Variants in PCDHGA8 observed in about 807,000 individuals in gnomAD.
The protein encoded by PCDHGA8 is protocadherin gamma-A8.
In PCDHGA8, 45 loss-of-function variants were observed where a neutral mutation model predicts 59.2. The ratio of observed to expected loss-of-function variants is 0.76; its 90% CI spans 0.60 to 0.98. The LOEUF is 0.98. Among genes scored for constraint, PCDHGA8 ranks in the 50% least tolerant of loss-of-function variants. The pLI is 0.00. For synonymous variants in PCDHGA8, 531 were observed against 519.0 expected (o/e 1.02, Z -0.32); for missense variants, 1,257 against 1,196.2 (o/e 1.05, Z -0.75).
chr5:141,399,448 G>A (rs1272959259), intron 1 of PCDHGA8: 5 of 1,613,872 alleles, frequency 3.1e-6, no homozygotes, highest in Non-Finnish European at 4.2e-6. Flanking sequence ...TATCAGAGAC[G>A]TCAACGATAA....
intron 1 of PCDHGA8, chr5:141,403,589 A>G (rs1447316737): frequency 1.2e-6 from 2 of 1,613,812 alleles, no homozygotes; most frequent in East Asian, 2.2e-5. Context: ...CCTGGTCCTC[A>G]CGGCCTCGGA....
chr5:141,409,438 A>G (rs1459982502), intron 1 of PCDHGA8: 2 of 1,613,984 alleles, frequency 1.2e-6, no homozygotes, highest in Non-Finnish European at 1.7e-6. Flanking sequence ...CCCTGGACCG[A>G]GAGCAGACAC....
Position 141,423,504 on chromosome 5 carries a change from T to G in PCDHGA8, c.2424+28267T>G, listed in dbSNP as rs1448233226. ...TGCAAACCTATTCCCACGAGGTCTCTCTCATTGCGGACTCGCAGAAGAGTC... is the reference window on the plus strand; with the variant it reads ...TGCAAACCTATTCCCACGAGGTCTCGCTCATTGCGGACTCGCAGAAGAGTC... On this transcript the variant is annotated intron_variant, in intron 1 of 3. Transcript: ENST00000398604. The G allele has an allele frequency of 3.1e-6, 5 of 1,613,770 alleles. No individual in the cohort carries two copies. The Admixed American group carries it at 8.3e-5, about 27-fold the overall frequency.
chr5:141,448,449 T>A (rs528049717), intron 1 of PCDHGA8, among the ~76,000 whole-genome samples: 1 of 152,166 alleles, frequency 6.6e-6, no homozygotes, highest in Non-Finnish European at 1.5e-5. Context: ...CTGACTTCCA[T>A]CCCTATCCTA....
At chr5:141,409,520 T>TTG (rs767613304) in intron 1 of PCDHGA8, 2 of 1,613,966 alleles carry the variant, frequency 1.2e-6, no homozygotes, top group East Asian at 4.5e-5. Flanking sequence ...AAGCATCACC[T>TTG]TGTATGTCGC....
At position 141,485,614 on chromosome 5, in the gene PCDHGA8, T is replaced by G; in HGVS notation, c.2425-9193T>G. 1 of 1,612,236 alleles carries G rather than the reference T, an allele frequency of 6.2e-7. No individual in the cohort carries two copies. Among genetic ancestry groups the G allele is most frequent in the Non-Finnish European group, 8.5e-7 (1 of 1,178,686 alleles). On this transcript the variant is annotated intron_variant, in intron 1 of 3. Transcript: ENST00000398604. The surrounding 1 kb of genome is among the most constrained non-coding windows in gnomAD (Gnocchi z 5.7). ...ACTTGGAAATTGGGGAGGCAGCTCC[T>G]CCAGGACAGCGTTTCCCGTTGGAAA...
intron 1 of PCDHGA8, among the ~76,000 whole-genome samples, chr5:141,459,682 A>G (rs557568098): frequency 2.4e-4 from 37 of 152,358 alleles, no homozygotes; most frequent in African/African-American, 8.2e-4. Flanking sequence ...AGCAATGCAT[A>G]AAGCGTTCCG....
Position 141,491,166 on chromosome 5 carries a change from G to A in PCDHGA8, c.2425-3641G>A. 1 of 1,614,150 alleles carries A rather than the reference G, an allele frequency of 6.2e-7. No individual in the cohort carries two copies. The highest frequency in any genetic ancestry group is 8.5e-7 in the Non-Finnish European group (1 of 1,179,964). ...TACTGGAGGATGACTCTGACACCCA[G>A]CAGGTGGTGGTCCTGGTGAGGGACA... On this transcript the variant is annotated intron_variant, in intron 1 of 3. Transcript: ENST00000398604. The surrounding 1 kb of genome is among the most constrained non-coding windows in gnomAD (Gnocchi z 6.9).
chr5:141,419,389 G>C (rs551951411), intron 1 of PCDHGA8: 1 of 1,613,670 alleles, frequency 6.2e-7, no homozygotes, highest in South Asian at 1.1e-5. Context: ...TGAGCGCGCA[G>C]AGCGGGGTGG....
intron 1 of PCDHGA8, chr5:141,400,548 T>C: frequency 6.2e-7 from 1 of 1,613,656 alleles, no homozygotes; most frequent in South Asian, 1.1e-5. Context: ...ATGTCTATTC[T>C]TTTTCATTAC....
At chr5:141,443,977 AT>A (rs1443967001) in intron 1 of PCDHGA8, among the ~76,000 whole-genome samples, 1 of 152,020 alleles carries the variant, frequency 6.6e-6, no homozygotes, top group African/African-American at 2.4e-5. Context: ...CATCTAAGCT[AT>A]GTTAATTTTA....
chr5:141,415,496 T>C, intron 1 of PCDHGA8: 1 of 1,614,070 alleles, frequency 6.2e-7, no homozygotes. Flanking sequence ...CACCTGATCT[T>C]CCCCCAGCCC....
chr5:141,393,845 AC>A lies in PCDHGA8; in HGVS notation c.1034del (p.Pro345GlnfsTer3). On this transcript the variant is annotated frameshift_variant, in exon 1 of 4. Transcript: ENST00000398604. LOFTEE classifies it high-confidence loss of function. ...ISVEDVNDNR[P>X]EVIITSLFSP... Reference sequence around the variant, plus strand: ...CGGTGGAAGATGTAAATGACAATAGACCAGAAGTGATCATTACGTCTTTGTT... The same window carrying A: ...CGGTGGAAGATGTAAATGACAATAGACAGAAGTGATCATTACGTCTTTGTT... 6.2e-7 allele frequency: 1 copy of A among 1,613,966 alleles called. No homozygotes were observed. The highest frequency in any genetic ancestry group is 1.1e-5 in the South Asian group (1 of 91,078).
Position 141,430,658 on chromosome 5 carries a change from G to A in PCDHGA8, c.2424+35421G>A, listed in dbSNP as rs1350572230. ...CCTGGGAGTATGTGGAAACAACGGA[G>A]GAGCTCTGACTTCCCAACTGTCCCA... On this transcript the variant is annotated intron_variant, in intron 1 of 3. Coordinates refer to ENST00000398604, the MANE Select transcript of PCDHGA8 (RefSeq NM_032088.2). The A allele has an allele frequency of 7.2e-6, 8 of 1,105,688 alleles. No individual in the cohort carries two copies. The African/African-American group carries it at 9.5e-5, about 13-fold the overall frequency. The allele number at this position is 1,105,688 out of a possible 1,614,324, so 68.5% of individuals were successfully genotyped here. A position where few individuals can be genotyped will look rare whatever the true frequency, so the allele number is the denominator to read the frequency against.
At chr5:141,414,514 G>A in intron 1 of PCDHGA8, 1 of 1,613,964 alleles carries the variant, frequency 6.2e-7, no homozygotes, top group Non-Finnish European at 8.5e-7. Context: ...GCTACAAGTG[G>A]CAGATATCAA....
Position 141,432,427 on chromosome 5 carries a change from C to T in PCDHGA8, c.2424+37190C>T, listed in dbSNP as rs775150918. 2.2e-5 allele frequency: 36 copies of T among 1,614,124 alleles called. No homozygotes were observed. The highest frequency in any genetic ancestry group is 3.1e-5 in the Non-Finnish European group (36 of 1,180,044). ...TGAGCCTGTTCGTGCTGGACCAGAA[C>T]GACAATGCGCCCGAGATCCTGTACC... On this transcript the variant is annotated intron_variant, in intron 1 of 3. Transcript: ENST00000398604. This position sits in a 1 kb window ranked among gnomAD's most constrained non-coding sequence, Gnocchi z 6.0.
rs768559201 is a variant in PCDHGA8, at chr5:141,431,344, G to A, written c.2424+36107G>A. Reference sequence around the variant, plus strand: ...ACGGTAGTAAGTACCCCGAATTGGTGCTGAAACGCGCCCTGGACCGCGAAG... The same window carrying A: ...ACGGTAGTAAGTACCCCGAATTGGTACTGAAACGCGCCCTGGACCGCGAAG... On this transcript the variant is annotated intron_variant, in intron 1 of 3. Coordinates refer to ENST00000398604, the MANE Select transcript of PCDHGA8 (RefSeq NM_032088.2). The surrounding 1 kb of genome is among the most constrained non-coding windows in gnomAD (Gnocchi z 4.8). 3.9e-5 allele frequency: 63 copies of A among 1,614,078 alleles called. No homozygotes were observed. Among genetic ancestry groups the A allele is most frequent in the Non-Finnish European group, 5.0e-5 (59 of 1,180,044 alleles).
chr5:141,403,038 G>A, intron 1 of PCDHGA8: 1 of 1,614,088 alleles, frequency 6.2e-7, no homozygotes, highest in Non-Finnish European at 8.5e-7. Context: ...GCCAGGGCCA[G>A]TCAGATTCGC....
At position 141,493,262 on chromosome 5, in the gene PCDHGA8, A is replaced by G. The variant is rs148431133; in HGVS notation, c.2425-1545A>G. ...GGTACTAACATGCCTCTCTTATAAC[A>G]GCTTCACAGAGGTCAAGTGACTTGC... is the stretch of plus-strand genomic sequence containing the variant. On this transcript the variant is annotated intron_variant, in intron 1 of 3. Transcript: ENST00000398604. This position sits in a 1 kb window ranked among gnomAD's most constrained non-coding sequence, Gnocchi z 4.3. 5.1e-4 allele frequency among the ~76,000 whole-genome samples: 78 copies of G among 152,302 alleles called. No homozygotes were observed. Among genetic ancestry groups the G allele is most frequent in the African/African-American group, 1.7e-3 (72 of 41,574 alleles).
Sources: gnomAD v4.1 joint callset for allele counts (sites outside exome capture counted in the v4.1 genomes callset) on GRCh38, gnomAD v4.1.1 for gene constraint, Gnocchi (gnomAD v3.1) non-coding constraint, MANE v1.5 for transcripts, NCBI Gene and HGNC (gene_info 2026-07-23, HGNC 2026-07-21) for gene names.